The following PCNX2 variants were observed in gnomAD, a reference collection of about 807,000 sequenced individuals.
The protein encoded by PCNX2 is pecanex 2.
In PCNX2, 168 loss-of-function variants were observed where a neutral mutation model predicts 223.8. That is an observed-to-expected ratio of 0.75 (90% CI 0.66 to 0.85). The LOEUF is 0.85. PCNX2 is among the 40% of genes least tolerant of loss of function. The pLI is 0.00. For synonymous variants in PCNX2, 1,006 were observed against 1,052.6 expected, an observed-to-expected ratio of 0.96 and a Z score of 0.86; for missense variants, 2,507 against 2,675.5, an observed-to-expected ratio of 0.94 and a Z score of 1.39.
chr1:233,162,704 G>A (rs889776964), intron 17 of PCNX2, among the ~76,000 whole-genome samples: 1 of 152,124 alleles, frequency 6.6e-6, no homozygotes, highest in African/African-American at 2.4e-5. Context: ...GGAACATTCT[G>A]TAATTCACTG....
At chr1:233,167,938 G>T in intron 17 of PCNX2, 1 of 652,500 alleles carries the variant, frequency 1.5e-6, no homozygotes, top group Non-Finnish European at 1.9e-6. Flanking sequence ...TCTTAGTTTT[G>T]TAATATAAAA....
At chr1:233,263,908 A>C (rs1488656357) in intron 1 of PCNX2, among the ~76,000 whole-genome samples, 7 of 152,160 alleles carry the variant, frequency 4.6e-5, no homozygotes, top group African/African-American at 1.7e-4. Flanking sequence ...AGGTTAGGGT[A>C]ACCACTCCCC....
At chr1:233,123,784 T>C (rs1394021776) in intron 21 of PCNX2, among the ~76,000 whole-genome samples, 6 of 152,122 alleles carry the variant, frequency 3.9e-5, no homozygotes, top group Admixed American at 6.5e-5. Context: ...GGAACCTTCA[T>C]TGTCTCAATT....
chr1:233,267,921 G>GT (rs796458222), intron 1 of PCNX2, among the ~76,000 whole-genome samples: 56 of 149,500 alleles, frequency 3.7e-4, no homozygotes, highest in Admixed American at 1.3e-3. Context: ...TCGATGTTTA[G>GT]TTTTTTTTTT....
chr1:233,258,523 C>A lies in PCNX2; in HGVS notation c.1339G>T (p.Glu447Ter). The change falls in exon 5 of 34, where the codon GAA (glutamate) becomes TAA (stop). Residue 447 changes from glutamate (E) to a stop codon, truncating the protein, a stop_gained. Coordinates refer to ENST00000258229, the MANE Select transcript of PCNX2 (RefSeq NM_014801.4). LOFTEE classifies it high-confidence loss of function. ...GGAGTCCTTTCACTTCCATTGCCTTCGGGACAGGGAACACCTCCTCCCCCA... is the reference window on the plus strand; with the variant it reads ...GGAGTCCTTTCACTTCCATTGCCTTAGGGACAGGGAACACCTCCTCCCCCA... Reference protein sequence around the residue: ...EGGGGGVPCPEGNGSERTPER... With the variant: ...EGGGGGVPCP 1 of 1,613,952 alleles carries A rather than the reference C, an allele frequency of 6.2e-7. No homozygotes were observed. The highest frequency in any genetic ancestry group is 8.5e-7 in the Non-Finnish European group (1 of 1,179,888).
At chr1:233,088,672 C>T (rs1180682179) in intron 23 of PCNX2, among the ~76,000 whole-genome samples, 2 of 152,160 alleles carry the variant, frequency 1.3e-5, no homozygotes, top group Admixed American at 6.5e-5. Flanking sequence ...CAACTCCTCA[C>T]GGGCCCGAAG....
chr1:233,274,088 G>A (rs73093211), intron 1 of PCNX2, among the ~76,000 whole-genome samples: 3,769 of 152,212 alleles, frequency 0.025, 163 homozygotes, highest in African/African-American at 0.086. Context: ...ATGCCCCTTG[G>A]GGGGAGTTGT....
intron 21 of PCNX2, among the ~76,000 whole-genome samples, chr1:233,119,813 A>G (rs1312984131): frequency 6.6e-6 from 1 of 152,130 alleles, no homozygotes; most frequent in African/African-American, 2.4e-5. Context: ...GAAGGAAAAA[A>G]CAAGCTACAG....
At chr1:233,321,128 C>T in the PCNX2 span, among the ~76,000 whole-genome samples, 1 of 145,012 alleles carries the variant, frequency 6.9e-6, no homozygotes, top group South Asian at 2.2e-4. Flanking sequence ...ACGCCATTCT[C>T]CTGCCTCAGC....
intron 9 of PCNX2, among the ~76,000 whole-genome samples, chr1:233,230,725 C>A (rs1572117889): frequency 6.6e-6 from 1 of 152,176 alleles, no homozygotes; most frequent in Non-Finnish European, 1.5e-5. Context: ...TGCATTTACA[C>A]ACACTCCCCA....
At chr1:233,291,533 G>A (rs1390442801) in intron 1 of PCNX2, 4 of 345,200 alleles carry the variant, frequency 1.2e-5, no homozygotes, top group African/African-American at 4.5e-5. Context: ...GCTTGAACCC[G>A]GGAGGTGGAG....
At chr1:232,984,582 T>C in intron 33 of PCNX2, 105 bp from the exon 34 acceptor site, 1 of 1,290,958 alleles carries the variant, frequency 7.7e-7, no homozygotes, top group Non-Finnish European at 1.1e-6. Flanking sequence ...AGGCTAGCGC[T>C]GCCATATCCT....
rs775776175 is a variant in PCNX2 at position 232,986,209 on chromosome 1, C to T, written c.6123G>A (p.Ala2041=). 1.2e-5 allele frequency: 19 copies of T among 1,559,236 alleles called. No homozygotes were observed. The highest frequency in any genetic ancestry group is 1.7e-5 in the Non-Finnish European group (19 of 1,151,120). The change falls in exon 33 of 34, where the codon GCG becomes GCA. Residue 2041 remains alanine (A), a synonymous_variant. Coordinates refer to ENST00000258229, the MANE Select transcript of PCNX2 (RefSeq NM_014801.4). ...CAGCAGAGAGTCCGGAAATGACGAG[C>T]GCGCTGGAAAAGCTCCTCTTGCCGA... The part of the protein sequence containing the change: ...FLFGKRSFSS[A]LVISGLSAAE...
intron 28 of PCNX2, among the ~76,000 whole-genome samples, chr1:233,013,245 C>T (rs368492608): frequency 2.6e-5 from 4 of 152,170 alleles, no homozygotes; most frequent in African/African-American, 4.8e-5. Context: ...AATTCTGAGA[C>T]GTGGGAGTTG....
chr1:233,120,164 C>CAAAAAAAAAAAAAAAAAAAAAAAAA (rs1228898502), intron 21 of PCNX2, among the ~76,000 whole-genome samples: 6 of 42,656 alleles, frequency 1.4e-4, no homozygotes, highest in Non-Finnish European at 2.7e-4. Flanking sequence ...GACTCCATTT[C>CAAAAAAAAAAAAAAAAAAAAAAAAA]AAAAAAAAAA....
intron 12 of PCNX2, among the ~76,000 whole-genome samples, chr1:233,210,207 T>C (rs16858864): frequency 0.039 from 5,950 of 152,236 alleles, 353 homozygotes; most frequent in African/African-American, 0.13. Context: ...ATGTTACTGC[T>C]TTACCACATT....
At chr1:233,103,412 C>T (rs1377070133) in intron 21 of PCNX2, among the ~76,000 whole-genome samples, 1 of 151,942 alleles carries the variant, frequency 6.6e-6, no homozygotes, top group Non-Finnish European at 1.5e-5. Context: ...TAACCATCAC[C>T]ACCTCCTCCC....
chr1:233,131,733 C>A (rs1558264166), intron 21 of PCNX2, among the ~76,000 whole-genome samples: 1 of 151,212 alleles, frequency 6.6e-6, no homozygotes, highest in African/African-American at 2.4e-5. Context: ...ACTAATTTTT[C>A]TTTTTTTTTG....
chr1:233,190,555 T>A (rs1680365106), intron 15 of PCNX2, among the ~76,000 whole-genome samples: 1 of 152,174 alleles, frequency 6.6e-6, no homozygotes, highest in Non-Finnish European at 1.5e-5. Flanking sequence ...TTGTTTTTGG[T>A]TTTTTTACTA....
Sources: gnomAD v4.1 joint callset for allele counts (sites outside exome capture counted in the v4.1 genomes callset) on GRCh38, gnomAD v4.1.1 for gene constraint, MANE v1.5 for transcripts, NCBI Gene and HGNC (gene_info 2026-07-23, HGNC 2026-07-21) for gene names.